TNIK: variants seen among roughly 807,000 people sequenced by gnomAD.
TNIK encodes the protein TRAF2 and NCK-interacting protein kinase.
Under a neutral mutation model 191.3 loss-of-function variants are expected in TNIK, and 49 were observed. The observed-to-expected ratio is 0.26, with a 90% CI of 0.20 to 0.32. The LOEUF is 0.32. Ranked by LOEUF, TNIK falls within the 10% of genes least tolerant of loss-of-function variation. The pLI, the probability that TNIK is intolerant of heterozygous loss-of-function variation, is 1.00. For synonymous variants in TNIK, 594 were observed against 600.9 expected (o/e 0.99, Z 0.17); for missense variants, 1,155 against 1,702.3 (o/e 0.68, Z 5.66).
chr3:171,226,749 A>G (rs1275449730), intron 3 of TNIK, among the ~76,000 whole-genome samples: 1 of 152,188 alleles, frequency 6.6e-6, no homozygotes, highest in Non-Finnish European at 1.5e-5. Flanking sequence ...TTACTGGTCA[A>G]AAATATATAC....
chr3:171,107,325 C>A (rs948437491), intron 20 of TNIK, 119 bp from the exon 21 acceptor site: 1 of 848,458 alleles, frequency 1.2e-6, no homozygotes, highest in Non-Finnish European at 1.8e-6. Context: ...TACAAAAGGG[C>A]GAAGAGAATG....
intron 2 of TNIK, among the ~76,000 whole-genome samples, chr3:171,282,720 C>T (rs74647053): frequency 0.044 from 6,759 of 152,294 alleles, 218 homozygotes; most frequent in African/African-American, 0.093. Flanking sequence ...TAAGCAGTTA[C>T]ACTGAACTCA....
intron 2 of TNIK, among the ~76,000 whole-genome samples, chr3:171,233,645 G>A (rs1743936052): frequency 6.6e-6 from 1 of 152,230 alleles, no homozygotes; most frequent in Non-Finnish European, 1.5e-5. Context: ...GGATTAGGAT[G>A]GAAAGGGTGG....
intron 2 of TNIK, among the ~76,000 whole-genome samples, chr3:171,232,172 C>T (rs1345714456): frequency 6.6e-6 from 1 of 151,236 alleles, no homozygotes; most frequent in African/African-American, 2.4e-5. Flanking sequence ...ATATAGACAC[C>T]ATCTAAATTT....
rs530604806 is a variant in TNIK at position 171,094,115 on chromosome 3, T to C, written c.2592-147A>G. Reference sequence around the variant, plus strand: ...TACCAATTTTAAGTGTACATGTCAGTGGTCTTAAGTACATCTCATATTAAT... The same window carrying C: ...TACCAATTTTAAGTGTACATGTCAGCGGTCTTAAGTACATCTCATATTAAT... On this transcript the variant is annotated intron_variant, in intron 22 of 32. Coordinates refer to ENST00000436636, the MANE Select transcript of TNIK (RefSeq NM_015028.4). The C allele has an allele frequency of 3.1e-4, 331 of 1,063,866 alleles. 1 individual carries two copies. The African/African-American group carries it at 5.1e-3, about 16-fold the overall frequency. The allele number at this position is 1,063,866 out of a possible 1,614,324, so 65.9% of individuals were successfully genotyped here. A position where few individuals can be genotyped will look rare whatever the true frequency, so the allele number is the denominator to read the frequency against.
chr3:171,090,580 A>G (rs2108402640), intron 23 of TNIK, among the ~76,000 whole-genome samples: 1 of 152,284 alleles, frequency 6.6e-6, no homozygotes, highest in Admixed American at 6.5e-5. Context: ...ACAAAGGTCC[A>G]TGGAGTCCCA....
chr3:171,132,591 A>G (rs1022388945), intron 15 of TNIK, among the ~76,000 whole-genome samples: 30 of 152,360 alleles, frequency 2.0e-4, no homozygotes, highest in African/African-American at 6.7e-4. Flanking sequence ...TTAAAAAGTT[A>G]AAACATAATA....
At chr3:171,379,870 G>A (rs7641987) in intron 1 of TNIK, among the ~76,000 whole-genome samples, 49,824 of 151,868 alleles carry the variant, frequency 0.33, 8,839 homozygotes, top group African/African-American at 0.46. Context: ...TTAGCTGGGC[G>A]TGGTGGTACA....
At chr3:171,266,319 G>A (rs1748399210) in intron 2 of TNIK, among the ~76,000 whole-genome samples, 1 of 152,120 alleles carries the variant, frequency 6.6e-6, no homozygotes, top group African/African-American at 2.4e-5. Context: ...CTGCTAAGGA[G>A]ATAAAGGATT....
intron 15 of TNIK, among the ~76,000 whole-genome samples, chr3:171,136,383 T>C (rs1347113767): frequency 6.6e-6 from 1 of 152,226 alleles, no homozygotes; most frequent in African/African-American, 2.4e-5. Flanking sequence ...ACTCGGGGCT[T>C]GTCACTTTGG....
At chr3:171,403,507 C>T (rs919373757) in intron 1 of TNIK, among the ~76,000 whole-genome samples, 9 of 150,994 alleles carry the variant, frequency 6.0e-5, no homozygotes, top group South Asian at 2.1e-4. Flanking sequence ...CCAGCTACTC[C>T]AGAGGCTGAG....
At chr3:171,374,136 G>A (rs1317891953) in intron 1 of TNIK, among the ~76,000 whole-genome samples, 4 of 152,148 alleles carry the variant, frequency 2.6e-5, no homozygotes. Context: ...CACAAAAAAT[G>A]GGATCAGAAT....
chr3:171,065,087 C>T (rs1718260042), intron 32 of TNIK, among the ~76,000 whole-genome samples: 2 of 152,218 alleles, frequency 1.3e-5, no homozygotes. Flanking sequence ...CCCCAGCCTA[C>T]TCCTAAGGGT....
At chr3:171,181,006 CA>C (rs1457810417) in intron 7 of TNIK, among the ~76,000 whole-genome samples, 1 of 152,102 alleles carries the variant, frequency 6.6e-6, no homozygotes, top group Non-Finnish European at 1.5e-5. Flanking sequence ...AAGAAAGAAA[CA>C]GGTATTGATT....
At chr3:171,245,388 A>G (rs1577234848) in intron 2 of TNIK, among the ~76,000 whole-genome samples, 2 of 152,380 alleles carry the variant, frequency 1.3e-5, no homozygotes, top group South Asian at 4.1e-4. Context: ...AACATGTAAT[A>G]ACATACAAAT....
intron 18 of TNIK, among the ~76,000 whole-genome samples, chr3:171,119,133 A>G (rs1727255502): frequency 6.6e-6 from 1 of 152,244 alleles, no homozygotes; most frequent in Non-Finnish European, 1.5e-5. Flanking sequence ...TGGGCAAAGG[A>G]TATGAACAGA....
intron 2 of TNIK, among the ~76,000 whole-genome samples, chr3:171,338,965 G>A (rs1158714132): frequency 1.3e-5 from 2 of 152,164 alleles, no homozygotes; most frequent in African/African-American, 4.8e-5. Flanking sequence ...TAATGACTAT[G>A]CTACATCAAT....
rs13321367 is a variant in TNIK, at chr3:171,211,576, C to T, written c.181-335G>A. 5.8e-3 allele frequency among the ~76,000 whole-genome samples: 883 copies of T among 152,268 alleles called. 10 individuals carry two copies. Among genetic ancestry groups the T allele is most frequent in the African/African-American group, 0.019 (772 of 41,546 alleles). On this transcript the variant is annotated intron_variant, in intron 3 of 32. Transcript: ENST00000436636. ...GTAGGCCTCTGGGAACTACATCCAT[C>T]AAGTAGCTATTACTGATTCTATCTG... is the stretch of plus-strand genomic sequence containing the variant.
chr3:171,443,479 G>A (rs897998439), intron 1 of TNIK, among the ~76,000 whole-genome samples: 3 of 152,136 alleles, frequency 2.0e-5, no homozygotes, highest in South Asian at 2.1e-4. Context: ...AGTTCCAGAC[G>A]GAAGTTTTCA....
Sources: allele counts gnomAD v4.1 joint callset (sites outside exome capture counted in the v4.1 genomes callset), GRCh38; gene constraint gnomAD v4.1.1; transcripts MANE v1.5; gene names NCBI Gene and HGNC (gene_info 2026-07-23, HGNC 2026-07-21).